ZNF253: variants seen among roughly 807,000 people sequenced by gnomAD.
The protein encoded by ZNF253 is zinc finger protein 253, also known as DNA-binding protein.
ZNF253 carries 8 observed loss-of-function variants against 11.9 expected under a neutral mutation model. The observed-to-expected ratio is 0.67, with a 90% CI of 0.40 to 1.22. ZNF253 has a LOEUF of 1.22. ZNF253 is among the 50% of genes most tolerant of loss of function. ZNF253 has a pLI of 0.01. For missense variants in ZNF253, 485 were observed against 586.9 expected, an observed-to-expected ratio of 0.83 and a Z score of 1.79; for synonymous variants, 194 against 194.9, an observed-to-expected ratio of 1.00 and a Z score of 0.04.
chr19:19,869,320 T>A (rs2145254677), intron 1 of ZNF253, among the ~76,000 whole-genome samples: 1 of 152,286 alleles, frequency 6.6e-6, no homozygotes, highest in South Asian at 2.1e-4. Context: ...TCAGAACAAT[T>A]AGGATAGTTA....
intron 3 of ZNF253, among the ~76,000 whole-genome samples, chr19:19,883,007 A>T (rs2063184407): frequency 6.6e-6 from 1 of 151,948 alleles, no homozygotes; most frequent in South Asian, 2.1e-4. Flanking sequence ...CATGTTTATT[A>T]CAATCAGATT....
intron 3 of ZNF253, among the ~76,000 whole-genome samples, chr19:19,886,654 A>G (rs2063207538): frequency 6.6e-6 from 1 of 152,170 alleles, no homozygotes; most frequent in African/African-American, 2.4e-5. Context: ...ACCATATAAC[A>G]TGTCCAGTTA....
chr19:19,891,069 C>G (rs760838961), intron 3 of ZNF253, among the ~76,000 whole-genome samples: 36 of 151,644 alleles, frequency 2.4e-4, no homozygotes, highest in African/African-American at 8.7e-4. Context: ...CTTGAACTCC[C>G]GACCTCATGA....
At position 19,892,430 on chromosome 19, in the gene ZNF253, C is replaced by T; in HGVS notation, c.1183C>T (p.Pro395Ser). Residue 395 changes from proline to serine, a missense_variant, in exon 4 of 4, where the codon CCC (proline) becomes TCC (serine). Pro to Ser is a moderately conservative substitution (Grantham distance 74). Around this residue, in one of 3 missense-constraint regions of ZNF253, gnomAD observed 232 missense variants for 321.4 expected, o/e 0.72. Coordinates refer to ENST00000589717, the MANE Select transcript of ZNF253 (RefSeq NM_021047.3). The stretch of plus-strand genomic sequence containing the variant: ...TGAGAAAATTCATACTGGAGAGAAA[C>T]CCTACAAATGTGATGAATGTGGCAA... ...SHEKIHTGEK[P>S]YKCDECGKTF... The T allele has an allele frequency of 6.2e-7, 1 of 1,613,988 alleles. No individual in the cohort carries two copies. The highest frequency in any genetic ancestry group is 8.5e-7 in the Non-Finnish European group (1 of 1,180,000).
chr19:19,876,558 G>A (rs954701737), intron 1 of ZNF253, among the ~76,000 whole-genome samples: 3 of 149,034 alleles, frequency 2.0e-5, no homozygotes, highest in Non-Finnish European at 3.0e-5. Flanking sequence ...ACAGAAAAGG[G>A]TGGACTTTTT....
At position 19,892,255 on chromosome 19, in the gene ZNF253, A is replaced by G. The variant is rs1306016786; in HGVS notation, c.1008A>G (p.Gly336=). 1 of 1,614,048 alleles carries G rather than the reference A, an allele frequency of 6.2e-7. No individual in the cohort carries two copies. The highest frequency in any genetic ancestry group is 2.2e-5 in the East Asian group (1 of 44,864). The change falls in exon 4 of 4, where the codon GGA becomes GGG. Residue 336 remains glycine, a synonymous_variant. Coordinates refer to ENST00000589717, the MANE Select transcript of ZNF253 (RefSeq NM_021047.3). ...NLTIHKRIHT[G]EKPYKCEECG... Reference sequence around the variant, plus strand: ...CTATACATAAGAGAATTCATACAGGAGAGAAACCCTACAAATGTGAAGAAT... The same window carrying G: ...CTATACATAAGAGAATTCATACAGGGGAGAAACCCTACAAATGTGAAGAAT...
intron 1 of ZNF253, among the ~76,000 whole-genome samples, chr19:19,868,763 C>T (rs2063121246): frequency 6.6e-6 from 1 of 152,062 alleles, no homozygotes; most frequent in Admixed American, 6.5e-5. Flanking sequence ...AGCAAACCTT[C>T]ATGGCACGTG....
intron 2 of ZNF253, among the ~76,000 whole-genome samples, chr19:19,879,599 ATC>A (rs2063168987): frequency 6.6e-6 from 1 of 152,196 alleles, no homozygotes; most frequent in Non-Finnish European, 1.5e-5. Context: ...TTCATCATGC[ATC>A]TTACATTTTA....
intron 1 of ZNF253, among the ~76,000 whole-genome samples, chr19:19,877,573 C>T (rs1317031021): frequency 6.6e-6 from 1 of 152,088 alleles, no homozygotes; most frequent in Non-Finnish European, 1.5e-5. Flanking sequence ...CGGGGTTTCT[C>T]CATGTTGGTC....
intron 3 of ZNF253, among the ~76,000 whole-genome samples, chr19:19,884,620 C>G (rs1185026357): frequency 1.3e-5 from 2 of 152,162 alleles, no homozygotes; most frequent in Non-Finnish European, 1.5e-5. Context: ...GATCTGCCCA[C>G]CTTGGCCTCC....
intron 3 of ZNF253, among the ~76,000 whole-genome samples, chr19:19,889,889 C>T (rs2063221536): frequency 6.6e-6 from 1 of 152,234 alleles, no homozygotes; most frequent in South Asian, 2.1e-4. Flanking sequence ...ATTTTCCTAC[C>T]TTGGCTTCCC....
chr19:19,869,224 G>A (rs1014137054), intron 1 of ZNF253, among the ~76,000 whole-genome samples: 3 of 152,094 alleles, frequency 2.0e-5, no homozygotes, highest in African/African-American at 4.8e-5. Context: ...TCCAATATTT[G>A]CAGGCTGAAG....
chr19:19,874,844 G>A lies in ZNF253; in HGVS notation c.4-3637G>A, dbSNP rs1237163383. ...GGAGAATGGCGTGAACCCGGGAGGC[G>A]GAGTTTGCAGTTAGCCGAGATCGCG... On this transcript the variant is annotated intron_variant, in intron 1 of 3. Transcript: ENST00000589717. Among the ~76,000 whole-genome samples, 6 of 151,940 alleles carry A rather than the reference G, an allele frequency of 3.9e-5. No homozygotes were observed. The East Asian group carries it at 1.2e-3, about 30-fold the overall frequency.
rs1462071968 is a variant in ZNF253, at chr19:19,892,448, T to C, written c.1201T>C (p.Cys401Arg). The change falls in exon 4 of 4, where the codon TGT (cysteine) becomes CGT (arginine). Residue 401 changes from cysteine to arginine, a missense_variant. Cys to Arg is a radical substitution (Grantham distance 180, BLOSUM62 -3). Coordinates refer to ENST00000589717, the MANE Select transcript of ZNF253 (RefSeq NM_021047.3). ...TGEKPYKCDE[C>R]GKTFTWPSIL... Reference sequence around the variant, plus strand: ...AGAGAAACCCTACAAATGTGATGAATGTGGCAAAACCTTTACCTGGCCCTC... The same window carrying C: ...AGAGAAACCCTACAAATGTGATGAACGTGGCAAAACCTTTACCTGGCCCTC... The C allele has an allele frequency of 6.2e-7, 1 of 1,613,990 alleles. No homozygotes were observed. The highest frequency in any genetic ancestry group is 8.5e-7 in the Non-Finnish European group (1 of 1,180,010).
At chr19:19,883,091 T>C (rs1327589911) in intron 3 of ZNF253, among the ~76,000 whole-genome samples, 2 of 152,202 alleles carry the variant, frequency 1.3e-5, no homozygotes, top group Non-Finnish European at 2.9e-5. Flanking sequence ...CTTTCTTAGC[T>C]GATTTTCCAT....
intron 1 of ZNF253, among the ~76,000 whole-genome samples, chr19:19,869,473 C>T (rs1286183138): frequency 6.6e-6 from 1 of 151,778 alleles, no homozygotes; most frequent in African/African-American, 2.4e-5. Context: ...AAGCAATTTT[C>T]CTGTCTCAGC....
At chr19:19,887,236 G>A (rs183209995) in intron 3 of ZNF253, among the ~76,000 whole-genome samples, 5 of 151,412 alleles carry the variant, frequency 3.3e-5, no homozygotes, top group East Asian at 1.9e-4. Flanking sequence ...TGTAGGCAGC[G>A]TACTGTATGC....
At chr19:19,875,356 A>G (rs935747262) in intron 1 of ZNF253, among the ~76,000 whole-genome samples, 2 of 151,950 alleles carry the variant, frequency 1.3e-5, no homozygotes, top group African/African-American at 4.8e-5. Flanking sequence ...AAGTAAATAT[A>G]AACAGAATAA....
intron 3 of ZNF253, among the ~76,000 whole-genome samples, chr19:19,890,832 ATTTTTTTTTT>A (rs770757608): frequency 1.8e-4 from 14 of 76,850 alleles, no homozygotes; most frequent in African/African-American, 9.4e-4. Context: ...CAACAATTTA[ATTTTTTTTTT>A]TTTTTTTTTT....
Sources: gnomAD v4.1 joint callset for allele counts (sites outside exome capture counted in the v4.1 genomes callset) on GRCh38, gnomAD v4.1.1 for gene constraint, gnomAD v4.1.1 regional missense constraint, MANE v1.5 for transcripts, NCBI Gene and HGNC (gene_info 2026-07-23, HGNC 2026-07-21) for gene names.